The following ZDHHC15 variants were observed in gnomAD, a reference collection of about 807,000 sequenced individuals.
ZDHHC15 encodes the protein zDHHC palmitoyltransferase 15, also known as palmitoyltransferase ZDHHC15.
ZDHHC15 carries 19 observed loss-of-function variants against 31.7 expected under a neutral mutation model. The observed-to-expected ratio is 0.60, with a 90% confidence interval of 0.42 to 0.88. The LOEUF is 0.88. Among genes scored for constraint, ZDHHC15 ranks in the 40% least tolerant of loss-of-function variants. ZDHHC15 has a pLI of 0.00. For missense variants in ZDHHC15, 209 were observed against 251.2 expected (o/e 0.83, Z 1.14); for synonymous variants, 103 against 90.0 (o/e 1.14, Z -0.82).
intron 3 of ZDHHC15, among the ~76,000 whole-genome samples, chrX:75,475,507 G>A (rs1396256533): frequency 2.7e-5 from 3 of 112,038 alleles, no homozygotes; most frequent in Non-Finnish European, 5.6e-5. Context: ...TTTTAGCATG[G>A]TTGTTGAAGA....
chrX:75,499,757 C>T (rs6647137), intron 2 of ZDHHC15, among the ~76,000 whole-genome samples: 4 of 111,090 alleles, frequency 3.6e-5, no homozygotes, highest in Non-Finnish European at 7.6e-5. Flanking sequence ...CCATTTGACT[C>T]AGCAATCCCA....
At chrX:75,490,397 A>G (rs1026099776) in intron 2 of ZDHHC15, among the ~76,000 whole-genome samples, 4 of 112,154 alleles carry the variant, frequency 3.6e-5, no homozygotes, top group African/African-American at 1.3e-4. Flanking sequence ...ATCTCTCAGC[A>G]GAAATTCTAC....
intron 10 of ZDHHC15, among the ~76,000 whole-genome samples, chrX:75,407,971 C>A (rs778989226): frequency 9.1e-6 from 1 of 110,422 alleles, no homozygotes; most frequent in Non-Finnish European, 1.9e-5. Context: ...GGATTAAGGG[C>A]GGTGCAAGAT....
At chrX:75,423,147 G>C (rs2083670000) in intron 8 of ZDHHC15, among the ~76,000 whole-genome samples, 1 of 108,633 alleles carries the variant, frequency 9.2e-6, no homozygotes, top group African/African-American at 3.4e-5. Context: ...TTACTGAGGA[G>C]CTGCAGCCAC....
intron 10 of ZDHHC15, among the ~76,000 whole-genome samples, chrX:75,412,419 T>C (rs1006881889): frequency 1.8e-5 from 2 of 110,501 alleles, no homozygotes; most frequent in Admixed American, 9.6e-5. Flanking sequence ...GGGACAGATA[T>C]ACAACTGATT....
chrX:75,472,782 T>C (rs1226985534), intron 3 of ZDHHC15, among the ~76,000 whole-genome samples: 2 of 111,801 alleles, frequency 1.8e-5, no homozygotes, highest in Admixed American at 1.9e-4. Context: ...CTCAGTGATA[T>C]GGACCTCCAC....
chrX:75,451,874 G>T (rs1273674949), intron 3 of ZDHHC15, among the ~76,000 whole-genome samples: 1 of 111,203 alleles, frequency 9.0e-6, no homozygotes, highest in Non-Finnish European at 1.9e-5. Flanking sequence ...AAGAGCTCCT[G>T]AAGGAACCAC....
chrX:75,482,698 C>G (rs1030235145), intron 2 of ZDHHC15, among the ~76,000 whole-genome samples: 1 of 111,313 alleles, frequency 9.0e-6, no homozygotes, highest in South Asian at 3.8e-4. Context: ...CTTTCTAGTA[C>G]TCATGTATTG....
chrX:75,476,041 G>C (rs1308953526), intron 3 of ZDHHC15, among the ~76,000 whole-genome samples: 1 of 110,724 alleles, frequency 9.0e-6, no homozygotes, highest in East Asian at 2.8e-4. Flanking sequence ...AAACATAATT[G>C]GTTTTTGCGT....
At chrX:75,397,155 C>T (rs1480452100) in intron 10 of ZDHHC15, among the ~76,000 whole-genome samples, 6 of 109,794 alleles carry the variant, frequency 5.5e-5, no homozygotes, top group African/African-American at 1.3e-4. Flanking sequence ...GGTGAAACCC[C>T]GTCATTACTA....
At position 75,479,005 on chromosome X, in the gene ZDHHC15, A is replaced by C; in HGVS notation, c.164-20T>G. 9.5e-7 allele frequency: 1 copy of C among 1,050,764 alleles called. No homozygotes were observed. The highest frequency in any genetic ancestry group is 1.3e-6 in the Non-Finnish European group (1 of 767,718). 86.6% of individuals were successfully genotyped at this position (1,050,764 alleles called of 1,213,427 possible). A position where few individuals can be genotyped will look rare whatever the true frequency, so the allele number is the denominator to read the frequency against. Reference sequence around the variant, plus strand: ...AAATAACTGAAATAAAAAAAAAATCAGTGTTTATACTATCTTTTTATCCAT... The same window carrying C: ...AAATAACTGAAATAAAAAAAAAATCCGTGTTTATACTATCTTTTTATCCAT... On this transcript the variant is annotated intron_variant, in intron 2 of 11. Transcript: ENST00000373367.
At chrX:75,488,370 C>T (rs1461660034) in intron 2 of ZDHHC15, among the ~76,000 whole-genome samples, 5 of 111,790 alleles carry the variant, frequency 4.5e-5, no homozygotes, top group Non-Finnish European at 9.4e-5. Flanking sequence ...TATCCTTAGC[C>T]ACCTTAAACA....
At chrX:75,406,289 C>T (rs1328973284) in intron 10 of ZDHHC15, among the ~76,000 whole-genome samples, 6 of 110,581 alleles carry the variant, frequency 5.4e-5, no homozygotes, top group African/African-American at 2.0e-4. Context: ...CCTTAAGGAA[C>T]TAGAAAAGCA....
At chrX:75,502,101 G>T (rs1172584930) in intron 2 of ZDHHC15, 1 of 111,923 alleles carries the variant, frequency 8.9e-6, no homozygotes, top group Non-Finnish European at 1.9e-5. Flanking sequence ...TCTCTAAATG[G>T]CAGAAATTTA....
intron 4 of ZDHHC15, among the ~76,000 whole-genome samples, chrX:75,445,374 T>C (rs1180658939): frequency 3.6e-5 from 4 of 111,883 alleles, no homozygotes; most frequent in Non-Finnish European, 7.5e-5. Flanking sequence ...CAAAGTATCT[T>C]CAATAGATGC....
At chrX:75,489,200 C>A (rs778356267) in intron 2 of ZDHHC15, among the ~76,000 whole-genome samples, 1 of 112,086 alleles carries the variant, frequency 8.9e-6, no homozygotes, top group Non-Finnish European at 1.9e-5. Context: ...GCAGAATCCT[C>A]TGCAGACTTA....
chrX:75,405,786 A>G (rs1219157752), intron 10 of ZDHHC15, among the ~76,000 whole-genome samples: 1 of 111,963 alleles, frequency 8.9e-6, no homozygotes, highest in African/African-American at 3.2e-5. Flanking sequence ...CAAAGATATC[A>G]GAATTAAACT....
At chrX:75,403,420 GGAAGA>G (rs1430409981) in intron 10 of ZDHHC15, among the ~76,000 whole-genome samples, 9 of 111,893 alleles carry the variant, frequency 8.0e-5, no homozygotes, top group Non-Finnish European at 1.7e-4. Context: ...CATCCAAATA[GGAAGA>G]GAAGAAGTCA....
intron 9 of ZDHHC15, among the ~76,000 whole-genome samples, chrX:75,421,168 T>C (rs2083622582): frequency 9.6e-6 from 1 of 103,677 alleles, no homozygotes; most frequent in Admixed American, 1.1e-4. Context: ...TCACAGTGTA[T>C]TGAATTTTTC....
Sources: allele counts gnomAD v4.1 joint callset (sites outside exome capture counted in the v4.1 genomes callset), GRCh38; gene constraint gnomAD v4.1.1; transcripts MANE v1.5; gene names NCBI Gene and HGNC (gene_info 2026-07-23, HGNC 2026-07-21).